IL1RAPL1: variants seen among roughly 807,000 people sequenced by gnomAD.
IL1RAPL1 encodes interleukin 1 receptor accessory protein like 1.
A neutral mutation model predicts 48.4 loss-of-function variants in IL1RAPL1; 3 were observed. The ratio of observed to expected loss-of-function variants is 0.06; its 90% CI spans 0.03 to 0.16. The LOEUF (loss-of-function observed/expected upper bound fraction) is 0.16. IL1RAPL1 is among the 10% of genes least tolerant of loss of function. The pLI is 1.00. For synonymous variants in IL1RAPL1, 185 were observed against 187.7 expected, an observed-to-expected ratio of 0.99 and a Z score of 0.12; for missense variants, 349 against 530.6, an observed-to-expected ratio of 0.66 and a Z score of 3.36.
intron 8 of IL1RAPL1, among the ~76,000 whole-genome samples, chrX:29,939,291 A>G (rs1430982974): frequency 8.9e-6 from 1 of 111,922 alleles, no homozygotes; most frequent in Non-Finnish European, 1.9e-5. Flanking sequence ...CCTAGTGTTT[A>G]ATATACTAAA....
At chrX:29,867,015 A>G (rs925149608) in intron 6 of IL1RAPL1, among the ~76,000 whole-genome samples, 3 of 111,237 alleles carry the variant, frequency 2.7e-5, no homozygotes, top group African/African-American at 9.8e-5. Context: ...TATTCTTAAG[A>G]TGTTGTCAAA....
chrX:29,334,500 A>G (rs1932948397), intron 3 of IL1RAPL1, among the ~76,000 whole-genome samples: 1 of 110,029 alleles, frequency 9.1e-6, no homozygotes, highest in Admixed American at 9.3e-5. Flanking sequence ...CCGGGCGGAG[A>G]CGCTCCTCAC....
chrX:29,516,602 C>A (rs1018241306), intron 5 of IL1RAPL1, among the ~76,000 whole-genome samples: 1 of 111,344 alleles, frequency 9.0e-6, no homozygotes, highest in Admixed American at 9.6e-5. Flanking sequence ...GTGGCAGTAT[C>A]ATTATTTATT....
chrX:29,785,122 C>G (rs1216196234), intron 6 of IL1RAPL1, among the ~76,000 whole-genome samples: 1 of 111,782 alleles, frequency 8.9e-6, no homozygotes, highest in Non-Finnish European at 1.9e-5. Context: ...AATAAATATG[C>G]TGCTACTTGA....
chrX:29,217,773 TCTCTCACACACACACA>T (rs1364775251), intron 2 of IL1RAPL1, among the ~76,000 whole-genome samples: 2 of 71,071 alleles, frequency 2.8e-5, no homozygotes, highest in Non-Finnish European at 5.0e-5. Flanking sequence ...TCTCTCTCTC[TCTCTCACACACACACA>T]CACACACACA....
intron 5 of IL1RAPL1, among the ~76,000 whole-genome samples, chrX:29,432,648 C>G (rs1934434862): frequency 8.9e-6 from 1 of 111,744 alleles, no homozygotes; most frequent in African/African-American, 3.2e-5. Flanking sequence ...ATTATTTAGA[C>G]TCCAAGTTTA....
At chrX:29,334,299 G>A (rs1477153989) in intron 3 of IL1RAPL1, among the ~76,000 whole-genome samples, 3 of 78,731 alleles carry the variant, frequency 3.8e-5, no homozygotes, top group Non-Finnish European at 2.5e-5. Context: ...CTCACCTCCC[G>A]GACTGGGTGG....
chrX:29,454,400 G>A (rs929186439), intron 5 of IL1RAPL1, among the ~76,000 whole-genome samples: 1 of 111,878 alleles, frequency 8.9e-6, no homozygotes, highest in Non-Finnish European at 1.9e-5. Flanking sequence ...ACAGAGACAA[G>A]GGGACAGGCA....
chrX:29,213,800 G>A (rs930846446), intron 2 of IL1RAPL1, among the ~76,000 whole-genome samples: 5 of 111,811 alleles, frequency 4.5e-5, no homozygotes, highest in Admixed American at 9.5e-5. Flanking sequence ...AAATTCAAGC[G>A]TAACTTCCCC....
chrX:29,396,158 G>T, intron 3 of IL1RAPL1, 100 bp from the exon 4 acceptor site: 1 of 646,335 alleles, frequency 1.5e-6, no homozygotes, highest in Non-Finnish European at 2.5e-6. Context: ...GTTAAACAGT[G>T]AAGTTTTTGC....
At chrX:29,830,616 AT>A (rs1930853654) in intron 6 of IL1RAPL1, among the ~76,000 whole-genome samples, 1 of 109,875 alleles carries the variant, frequency 9.1e-6, no homozygotes, top group South Asian at 3.9e-4. Context: ...CGCCTGGCTG[AT>A]TTTTTTGTAT....
intron 2 of IL1RAPL1, among the ~76,000 whole-genome samples, chrX:29,040,332 CA>C (rs1437286357): frequency 8.9e-6 from 1 of 112,148 alleles, no homozygotes; most frequent in Non-Finnish European, 1.9e-5. Context: ...CCTCTGGACC[CA>C]AAAGAGTCCT....
At chrX:28,668,299 C>T (rs761162292) in intron 1 of IL1RAPL1, among the ~76,000 whole-genome samples, 24 of 111,446 alleles carry the variant, frequency 2.2e-4, no homozygotes, top group Non-Finnish European at 3.2e-4. Flanking sequence ...CACCCTGTCG[C>T]CCAGGCTGGA....
At chrX:28,819,858 GA>G (rs1274424157) in intron 2 of IL1RAPL1, among the ~76,000 whole-genome samples, 1 of 103,022 alleles carries the variant, frequency 9.7e-6, no homozygotes, top group Non-Finnish European at 2.0e-5. Context: ...TATACCAAGG[GA>G]AACAAATTGG....
At chrX:29,766,715 T>TAATAATATAA in intron 6 of IL1RAPL1, among the ~76,000 whole-genome samples, 1 of 60,687 alleles carries the variant, frequency 1.6e-5, no homozygotes, top group Non-Finnish European at 2.6e-5. Flanking sequence ...ATATAATATA[T>TAATAATATAA]GATATAAACA....
chrX:29,544,601 G>A (rs907760191), intron 5 of IL1RAPL1, among the ~76,000 whole-genome samples: 1 of 111,473 alleles, frequency 9.0e-6, no homozygotes, highest in African/African-American at 3.3e-5. Flanking sequence ...GTGGGTATTC[G>A]TAATATAACT....
chrX:29,265,027 C>T (rs1468698924), intron 2 of IL1RAPL1, among the ~76,000 whole-genome samples: 1 of 111,324 alleles, frequency 9.0e-6, no homozygotes, highest in Non-Finnish European at 1.9e-5. Flanking sequence ...ATTCTCGTGC[C>T]CCAGCTTCCC....
chrX:29,928,770 A>G (rs1932914338), intron 8 of IL1RAPL1, among the ~76,000 whole-genome samples: 1 of 111,884 alleles, frequency 8.9e-6, no homozygotes, highest in South Asian at 3.7e-4. Flanking sequence ...CTGGGTCATA[A>G]AATGCAAGGT....
At chrX:28,616,864 TA>T (rs1472077973) in intron 1 of IL1RAPL1, among the ~76,000 whole-genome samples, 1 of 112,564 alleles carries the variant, frequency 8.9e-6, no homozygotes, top group African/African-American at 3.2e-5. Flanking sequence ...AAAAAGGAGA[TA>T]TCCATAACTA....
Sources: gnomAD v4.1 joint callset for allele counts (sites outside exome capture counted in the v4.1 genomes callset) on GRCh38, gnomAD v4.1.1 for gene constraint, MANE v1.5 for transcripts, NCBI Gene and HGNC (gene_info 2026-07-23, HGNC 2026-07-21) for gene names.